The following SH3KBP1 variants were observed in gnomAD, a reference collection of about 807,000 sequenced individuals.
SH3KBP1 encodes SH3 domain-containing kinase-binding protein 1.
In SH3KBP1, 8 loss-of-function variants were observed where a neutral mutation model predicts 50.1. The ratio of observed to expected loss-of-function variants is 0.16; its 90% CI spans 0.09 to 0.29. The LOEUF (loss-of-function observed/expected upper bound fraction) is 0.29. SH3KBP1 is among the 10% of genes least tolerant of loss of function. The pLI is 1.00. For missense variants in SH3KBP1, 377 were observed against 535.2 expected, an observed-to-expected ratio of 0.70 and a Z score of 2.92; for synonymous variants, 227 against 218.6, an observed-to-expected ratio of 1.04 and a Z score of -0.34.
At chrX:19,763,653 A>C (rs1184540020) in intron 2 of SH3KBP1, among the ~76,000 whole-genome samples, 1 of 112,407 alleles carries the variant, frequency 8.9e-6, no homozygotes, top group East Asian at 2.8e-4. Context: ...TAGTAAAATC[A>C]ATCAATCTTT....
chrX:19,543,370 G>A lies in SH3KBP1; in HGVS notation c.1624-1177C>T, dbSNP rs185162004. ...ACATTGGATTTTAGGAGCCCTTAGTGACTGGGAAAGAGGGGAGGAAGAGGG... is the reference window on the plus strand; with the variant it reads ...ACATTGGATTTTAGGAGCCCTTAGTAACTGGGAAAGAGGGGAGGAAGAGGG... On this transcript the variant is annotated intron_variant, in intron 15 of 17. Coordinates refer to ENST00000397821, the MANE Select transcript of SH3KBP1 (RefSeq NM_031892.3). Among the ~76,000 whole-genome samples the A allele has an allele frequency of 6.3e-5, 7 of 111,997 alleles. No individual in the cohort carries two copies. The East Asian group carries it at 1.4e-3, about 22-fold the overall frequency.
intron 6 of SH3KBP1, among the ~76,000 whole-genome samples, chrX:19,653,431 G>A (rs1049108594): frequency 9.0e-6 from 1 of 111,151 alleles, no homozygotes; most frequent in East Asian, 2.8e-4. Flanking sequence ...AATGCTTCTT[G>A]GCCAGGCACG....
chrX:19,727,975 A>T (rs1167937089), intron 3 of SH3KBP1, among the ~76,000 whole-genome samples: 1 of 112,128 alleles, frequency 8.9e-6, no homozygotes, highest in Non-Finnish European at 1.9e-5. Flanking sequence ...CACCATCTCA[A>T]ATAAAAAAGT....
chrX:19,681,126 G>A (rs5909129), intron 6 of SH3KBP1, among the ~76,000 whole-genome samples: 4,105 of 111,396 alleles, frequency 0.037, 89 homozygotes, highest in Non-Finnish European at 0.059. Context: ...AAAATGCTCC[G>A]ATGAACATTT....
chrX:19,551,423 A>G (rs898304177), intron 13 of SH3KBP1, among the ~76,000 whole-genome samples: 1 of 110,673 alleles, frequency 9.0e-6, no homozygotes, highest in African/African-American at 3.3e-5. Flanking sequence ...GGGGAGGGCA[A>G]AGATTCCCCC....
At chrX:19,565,051 A>ATTATT (rs2065797293) in intron 13 of SH3KBP1, among the ~76,000 whole-genome samples, 1 of 66,530 alleles carries the variant, frequency 1.5e-5, no homozygotes, top group Non-Finnish European at 2.6e-5. Context: ...TTCAACTCCA[A>ATTATT]TTTTTTTTTT....
chrX:19,886,153 C>G (rs1235264963), intron 1 of SH3KBP1, among the ~76,000 whole-genome samples: 17 of 112,157 alleles, frequency 1.5e-4, no homozygotes. Context: ...AAAAGGAAAA[C>G]CTTTTTTGGC....
intron 1 of SH3KBP1, among the ~76,000 whole-genome samples, chrX:19,845,452 TG>T (rs1316282544): frequency 9.2e-6 from 1 of 108,536 alleles, no homozygotes; most frequent in African/African-American, 3.4e-5. Flanking sequence ...CACTCCAGCC[TG>T]GGCGACACAG....
intron 2 of SH3KBP1, chrX:19,747,762 G>A (rs1341614709): frequency 2.4e-5 from 8 of 332,724 alleles, no homozygotes; most frequent in East Asian, 9.9e-5. Context: ...TGGGGCTGGC[G>A]CTTTGCTAGG....
intron 8 of SH3KBP1, among the ~76,000 whole-genome samples, chrX:19,625,356 G>A (rs1287716321): frequency 2.7e-5 from 3 of 110,833 alleles, no homozygotes; most frequent in African/African-American, 9.9e-5. Context: ...CCCCGACAGC[G>A]AGTGGAAAGC....
At chrX:19,555,500 G>A (rs1167812681) in intron 13 of SH3KBP1, among the ~76,000 whole-genome samples, 1 of 112,377 alleles carries the variant, frequency 8.9e-6, no homozygotes, top group Non-Finnish European at 1.9e-5. Flanking sequence ...CAGGCTAGCT[G>A]TCACCAGCAG....
intron 2 of SH3KBP1, among the ~76,000 whole-genome samples, chrX:19,760,026 C>G (rs1411363787): frequency 4.4e-4 from 30 of 67,530 alleles, no homozygotes; most frequent in African/African-American, 2.0e-3. Flanking sequence ...TCTCTCTCCT[C>G]TCTCTCTCTC....
Position 19,887,298 on chromosome X carries a change from C to G in SH3KBP1, c.4+9G>C. On this transcript the variant is annotated intron_variant, in intron 1 of 17. Transcript: ENST00000397821. ...AGTGGACGCCCGGACGCGGGCGGCC[C>G]CCACTCACCCATTGGCGTCGAGCCG... is the stretch of plus-strand genomic sequence containing the variant. The G allele has an allele frequency of 1.0e-6, 1 of 976,530 alleles. No individual in the cohort carries two copies. Among genetic ancestry groups the G allele is most frequent in the Non-Finnish European group, 1.3e-6 (1 of 775,639 alleles). 80.5% of individuals were successfully genotyped at this position (976,530 alleles called of 1,213,427 possible).
At chrX:19,585,333 CA>C (rs1040467002) in intron 12 of SH3KBP1, among the ~76,000 whole-genome samples, 8 of 111,749 alleles carry the variant, frequency 7.2e-5, no homozygotes, top group African/African-American at 2.6e-4. Flanking sequence ...TGGCATTCAA[CA>C]AGTGTTTGTT....
At chrX:19,866,351 G>A (rs1409034284) in intron 1 of SH3KBP1, among the ~76,000 whole-genome samples, 2 of 111,758 alleles carry the variant, frequency 1.8e-5, no homozygotes, top group Non-Finnish European at 3.8e-5. Flanking sequence ...GACAGGGCAC[G>A]CGCTTTACAA....
intron 5 of SH3KBP1, among the ~76,000 whole-genome samples, chrX:19,693,636 G>C (rs1466065371): frequency 9.0e-6 from 1 of 111,511 alleles, no homozygotes; most frequent in Non-Finnish European, 1.9e-5. Flanking sequence ...TGCCCCTTCT[G>C]AGCAGGTGAT....
At chrX:19,746,975 T>C (rs188588483) in intron 2 of SH3KBP1, among the ~76,000 whole-genome samples, 7 of 112,594 alleles carry the variant, frequency 6.2e-5, no homozygotes, top group African/African-American at 2.3e-4. Flanking sequence ...GGATGGCTTA[T>C]CACTCTAGAT....
chrX:19,765,539 T>A (rs188685268), intron 2 of SH3KBP1, among the ~76,000 whole-genome samples: 1 of 111,771 alleles, frequency 8.9e-6, no homozygotes, highest in East Asian at 2.8e-4. Context: ...CCTCCCTTTT[T>A]AAAAAAAATT....
chrX:19,603,422 G>A (rs763820035), intron 9 of SH3KBP1, among the ~76,000 whole-genome samples: 2 of 112,100 alleles, frequency 1.8e-5, no homozygotes, highest in Non-Finnish European at 3.8e-5. Context: ...GAGTAAGCTG[G>A]CTGCCTGCTA....
Sources: gnomAD v4.1 joint callset for allele counts (sites outside exome capture counted in the v4.1 genomes callset) on GRCh38, gnomAD v4.1.1 for gene constraint, MANE v1.5 for transcripts, NCBI Gene and HGNC (gene_info 2026-07-23, HGNC 2026-07-21) for gene names.